Variants in EBF1 observed in about 807,000 individuals in gnomAD.
EBF1 encodes the protein EBF transcription factor 1.
Under a neutral mutation model 68.4 loss-of-function variants are expected in EBF1, and 10 were observed. The observed-to-expected ratio is 0.15, with a 90% CI of 0.09 to 0.25. The LOEUF is 0.25. EBF1 is among the 10% of genes least tolerant of loss of function. EBF1 has a pLI of 1.00. For synonymous variants in EBF1, 298 were observed against 299.8 expected (o/e 0.99, Z 0.06); for missense variants, 509 against 794.4 (o/e 0.64, Z 4.32).
At chr5:158,707,522 G>T (rs571410510) in intron 15 of EBF1, 5 of 236,518 alleles carry the variant, frequency 2.1e-5, no homozygotes, top group Non-Finnish European at 4.2e-5. Context: ...CCCCACACAC[G>T]TTCACTCTGA....
At chr5:158,754,895 T>C (rs1231561835) in intron 10 of EBF1, among the ~76,000 whole-genome samples, 1 of 152,106 alleles carries the variant, frequency 6.6e-6, no homozygotes, top group African/African-American at 2.4e-5. Flanking sequence ...TTTTCTTACT[T>C]AAAATTGAAT....
chr5:159,077,745 C>CTTTTTT (rs58717165), intron 5 of EBF1, among the ~76,000 whole-genome samples: 18 of 80,630 alleles, frequency 2.2e-4, no homozygotes, highest in East Asian at 3.6e-4. Flanking sequence ...CAGTGGTTTG[C>CTTTTTT]TTTTTTTTTT....
intron 6 of EBF1, among the ~76,000 whole-genome samples, chr5:159,011,061 A>G (rs1486399998): frequency 1.3e-5 from 2 of 152,210 alleles, no homozygotes; most frequent in South Asian, 2.1e-4. Context: ...TTCCTTTTCA[A>G]ATCTGGAGTG....
In EBF1 at chr5:159,095,652, A is replaced by G. The variant is rs369071913; in HGVS notation, c.379T>C (p.Tyr127His). 9.3e-6 allele frequency: 15 copies of G among 1,614,000 alleles called. No homozygotes were observed. Among genetic ancestry groups the G allele is most frequent in the Non-Finnish European group, 1.2e-5 (14 of 1,179,944 alleles). ...GTCATGGAGTCAATGAGGCGCACGT[A>G]GAAATCCTGCTCCGTCCTTATCCCT... ...SNGIRTEQDFYVRLIDSMTKQ... is the reference protein window; with the variant it reads ...SNGIRTEQDFHVRLIDSMTKQ... Residue 127 changes from tyrosine (Y) to histidine (H), a missense_variant, in exon 4 of 16, where the codon TAC (tyrosine) becomes CAC (histidine). This residue lies in a region of EBF1 where 230 missense variants were observed against 467.7 expected (regional missense o/e 0.49). Coordinates refer to ENST00000313708, the MANE Select transcript of EBF1 (RefSeq NM_024007.5).
At chr5:158,782,955 C>A (rs1776708996) in intron 9 of EBF1, among the ~76,000 whole-genome samples, 1 of 151,242 alleles carries the variant, frequency 6.6e-6, no homozygotes, top group South Asian at 2.1e-4. Flanking sequence ...GCTTGTATAT[C>A]ATGTAAGTGG....
chr5:158,995,118 T>C (rs1036451749), intron 6 of EBF1, among the ~76,000 whole-genome samples: 2 of 152,136 alleles, frequency 1.3e-5, no homozygotes, highest in African/African-American at 4.8e-5. Flanking sequence ...GTCTCAGAGT[T>C]CATTTCCTCC....
At chr5:158,764,909 C>T (rs146806857) in intron 10 of EBF1, among the ~76,000 whole-genome samples, 1 of 152,170 alleles carries the variant, frequency 6.6e-6, no homozygotes, top group East Asian at 1.9e-4. Context: ...CTTTCTACAC[C>T]TCATTTTTAC....
intron 6 of EBF1, among the ~76,000 whole-genome samples, chr5:158,862,097 T>C (rs1795058952): frequency 6.6e-6 from 1 of 152,228 alleles, no homozygotes; most frequent in Non-Finnish European, 1.5e-5. Context: ...AATCCCTTGG[T>C]GAACATTCTT....
chr5:158,802,669 GAGCTCC>G (rs1780824691), intron 8 of EBF1, among the ~76,000 whole-genome samples: 1 of 152,120 alleles, frequency 6.6e-6, no homozygotes, highest in South Asian at 2.1e-4. Flanking sequence ...AAATGGGCAA[GAGCTCC>G]AGTTGTTCAA....
chr5:158,777,771 C>T (rs1040671256), intron 9 of EBF1, among the ~76,000 whole-genome samples: 2 of 152,182 alleles, frequency 1.3e-5, no homozygotes, highest in African/African-American at 4.8e-5. Context: ...CCTCTGCTTC[C>T]TGGTTTGAAC....
At chr5:159,025,704 T>C (rs1767594952) in intron 6 of EBF1, among the ~76,000 whole-genome samples, 1 of 152,194 alleles carries the variant, frequency 6.6e-6, no homozygotes. Flanking sequence ...CCCTGTAAGA[T>C]TTTTCTATAG....
intron 6 of EBF1, among the ~76,000 whole-genome samples, chr5:159,069,606 G>A (rs368525471): frequency 7.3e-4 from 111 of 152,170 alleles, no homozygotes; most frequent in African/African-American, 2.0e-3. Flanking sequence ...ATTCAGTTCC[G>A]ACATTTATTA....
chr5:158,958,697 A>AT (rs1254600645), intron 6 of EBF1, among the ~76,000 whole-genome samples: 1 of 152,078 alleles, frequency 6.6e-6, no homozygotes, highest in Non-Finnish European at 1.5e-5. Context: ...TCACCCAGTC[A>AT]TTTTTATGAC....
intron 10 of EBF1, among the ~76,000 whole-genome samples, chr5:158,737,185 T>C (rs1187979321): frequency 1.3e-5 from 2 of 148,710 alleles, no homozygotes; most frequent in Non-Finnish European, 3.0e-5. Context: ...AAGAAGGGTG[T>C]CAAGACGAAG....
rs869228922 is a variant in EBF1 at position 159,094,165 on chromosome 5, C to CAAAAAAA, written c.411+1448_411+1454dup. On this transcript the variant is annotated intron_variant, in intron 4 of 15. Transcript: ENST00000313708. The stretch of plus-strand genomic sequence containing the variant: ...GCTTTTGTGTTTCTGCCTTGGAAGG[C>CAAAAAAA]AAAAAAAAAAAAAAAAAAAAAAAAA... 1.1e-3 allele frequency among the ~76,000 whole-genome samples: 25 copies of CAAAAAAA among 21,878 alleles called. 2 individuals carry two copies. Among genetic ancestry groups the CAAAAAAA allele is most frequent in the African/African-American group, 2.9e-3 (21 of 7,216 alleles). 14.4% of individuals were successfully genotyped at this position (21,878 alleles called of 152,430 possible).
At chr5:158,936,006 G>A (rs1252365235) in intron 6 of EBF1, among the ~76,000 whole-genome samples, 3 of 152,142 alleles carry the variant, frequency 2.0e-5, no homozygotes, top group Non-Finnish European at 4.4e-5. Flanking sequence ...TGATGCTACT[G>A]GATTAGAAAA....
chr5:158,824,244 G>A (rs763026914), intron 7 of EBF1, among the ~76,000 whole-genome samples: 11 of 152,156 alleles, frequency 7.2e-5, no homozygotes, highest in South Asian at 2.1e-4. Flanking sequence ...CAATCAGCCC[G>A]CTCCCGTTTA....
At chr5:158,708,349 C>T (rs917214021) in intron 14 of EBF1, among the ~76,000 whole-genome samples, 176 bp from the exon 15 acceptor site, 3 of 152,216 alleles carry the variant, frequency 2.0e-5, no homozygotes, top group Non-Finnish European at 4.4e-5. Flanking sequence ...CAGAACTTAG[C>T]ACGTGCTACC....
intron 6 of EBF1, among the ~76,000 whole-genome samples, chr5:158,898,389 T>G (rs1251340457): frequency 6.6e-6 from 1 of 152,222 alleles, no homozygotes; most frequent in Non-Finnish European, 1.5e-5. Flanking sequence ...CTCATTGTAG[T>G]CAAATGTGCC....
Sources: gnomAD v4.1 joint callset for allele counts (sites outside exome capture counted in the v4.1 genomes callset) on GRCh38, gnomAD v4.1.1 for gene constraint, gnomAD v4.1.1 regional missense constraint, MANE v1.5 for transcripts, NCBI Gene and HGNC (gene_info 2026-07-23, HGNC 2026-07-21) for gene names.